Variants in BLTP2 observed in about 807,000 individuals in gnomAD.
The protein encoded by BLTP2 is bridge-like lipid transfer protein family member 2.
the BLTP2 span, among the ~76,000 whole-genome samples, chr17:28,641,659 A>G: frequency 7.1e-6 from 1 of 140,394 alleles, no homozygotes; most frequent in Admixed American, 7.0e-5. Flanking sequence ...AAAAAAAAGG[A>G]AAAAAAAAAA....
the BLTP2 span, chr17:28,640,061 G>A: frequency 9.3e-6 from 15 of 1,608,100 alleles, no homozygotes; most frequent in Admixed American, 1.7e-5. Flanking sequence ...GGAAGATGTG[G>A]AATGCCATTC....
chr17:28,638,908 A>G, the BLTP2 span, among the ~76,000 whole-genome samples: 1 of 152,246 alleles, frequency 6.6e-6, no homozygotes, highest in Non-Finnish European at 1.5e-5. Flanking sequence ...CACCAGCAAT[A>G]CTATACGCTT....
chr17:28,617,931 CTTTT>C, the BLTP2 span, among the ~76,000 whole-genome samples: 2 of 128,698 alleles, frequency 1.6e-5, no homozygotes, highest in Non-Finnish European at 1.7e-5. Flanking sequence ...ACCCAATTTT[CTTTT>C]TTTTTTTTTT....
the BLTP2 span, chr17:28,614,935 G>A: frequency 1.2e-6 from 1 of 823,336 alleles, no homozygotes; most frequent in African/African-American, 1.7e-5. Flanking sequence ...ACCAGGTGCT[G>A]AAGAGTGATG....
chr17:28,629,635 G>T, the BLTP2 span, among the ~76,000 whole-genome samples: 1 of 151,734 alleles, frequency 6.6e-6, no homozygotes, highest in African/African-American at 2.4e-5. Flanking sequence ...CTGCCACCAC[G>T]CCCAGCAAAT....
chr17:28,631,846 C>T, the BLTP2 span: 60 of 1,614,074 alleles, frequency 3.7e-5, 1 homozygote, highest in South Asian at 3.5e-4. Flanking sequence ...CTGAGTCCCC[C>T]GAGTGAAGAC....
At chr17:28,633,626 C>T in the BLTP2 span, 1 of 1,614,062 alleles carries the variant, frequency 6.2e-7, no homozygotes, top group Non-Finnish European at 8.5e-7. Context: ...CGGCTCTTGT[C>T]CCACCAGGGC....
the BLTP2 span, chr17:28,639,625 G>A: frequency 6.2e-7 from 1 of 1,614,138 alleles, no homozygotes; most frequent in Non-Finnish European, 8.5e-7. Context: ...TGGCGACTCT[G>A]GGACAACAAC....
the BLTP2 span, among the ~76,000 whole-genome samples, chr17:28,644,702 A>G: frequency 6.6e-6 from 1 of 152,142 alleles, no homozygotes. Flanking sequence ...AAGGGAAGCC[A>G]CTGAACCAGG....
At chr17:28,643,890 A>C in the BLTP2 span, among the ~76,000 whole-genome samples, 2 of 152,248 alleles carry the variant, frequency 1.3e-5, no homozygotes, top group African/African-American at 4.8e-5. Flanking sequence ...TAACTGAACA[A>C]CTTGCAGCGT....
chr17:28,643,364 C>G, the BLTP2 span: 1 of 1,600,734 alleles, frequency 6.2e-7, no homozygotes, highest in Non-Finnish European at 8.6e-7. Context: ...CCATAGCAGT[C>G]TATTCCCCAC....
chr17:28,616,580 A>AC, the BLTP2 span: 84 of 1,613,936 alleles, frequency 5.2e-5, no homozygotes, highest in East Asian at 1.8e-3. The surrounding 1 kb of genome is among the most constrained non-coding windows in gnomAD (Gnocchi z 4.8). Context: ...TGGGGTTGCT[A>AC]CCCTATTCTT....
At chr17:28,623,483 C>T in the BLTP2 span, among the ~76,000 whole-genome samples, 2 of 151,736 alleles carry the variant, frequency 1.3e-5, no homozygotes, top group African/African-American at 4.8e-5. Flanking sequence ...TTAGTGTGAA[C>T]ATTAATAGGG....
chr17:28,615,887 C>G, the BLTP2 span: 3 of 1,387,960 alleles, frequency 2.2e-6, no homozygotes, highest in African/African-American at 2.8e-5. Flanking sequence ...ACTTGAGTGC[C>G]AAGTCCTACA....
chr17:28,621,309 A>G, the BLTP2 span: 5 of 1,413,638 alleles, frequency 3.5e-6, no homozygotes, highest in South Asian at 5.8e-5. Context: ...TCCAGCATAC[A>G]CTGACGTTAA....
the BLTP2 span, among the ~76,000 whole-genome samples, chr17:28,636,723 T>G: frequency 6.6e-6 from 1 of 152,140 alleles, no homozygotes; most frequent in Non-Finnish European, 1.5e-5. Context: ...ATATTTCTCA[T>G]GAAACCAGTT....
the BLTP2 span, chr17:28,633,634 G>A: frequency 6.2e-7 from 1 of 1,614,022 alleles, no homozygotes; most frequent in Non-Finnish European, 8.5e-7. Flanking sequence ...GTCCCACCAG[G>A]GCAAAGGTGG....
the BLTP2 span, chr17:28,642,888 A>G: frequency 1.2e-6 from 2 of 1,601,554 alleles, no homozygotes; most frequent in Admixed American, 1.7e-5. Context: ...TCACTATCCA[A>G]AAGAAATCTG....
At chr17:28,641,985 C>A in the BLTP2 span, 1 of 1,614,260 alleles carries the variant, frequency 6.2e-7, no homozygotes. Flanking sequence ...AGTGTCCACA[C>A]ATCCACAGTG....
Sources: gnomAD v4.1 joint callset for allele counts (sites outside exome capture counted in the v4.1 genomes callset) on GRCh38, gnomAD v4.1.1 for gene constraint, Gnocchi (gnomAD v3.1) non-coding constraint, MANE v1.5 for transcripts, NCBI Gene and HGNC (gene_info 2026-07-23, HGNC 2026-07-21) for gene names.